Variants in TMEM131L observed in about 807,000 individuals in gnomAD.
TMEM131L encodes the protein transmembrane 131 like, also known as transmembrane protein 131-like.
Under a neutral mutation model 192.2 loss-of-function variants are expected in TMEM131L, and 54 were observed. The ratio of observed to expected loss-of-function variants is 0.28; its 90% CI spans 0.23 to 0.35. The LOEUF (loss-of-function observed/expected upper bound fraction) is 0.35. Among genes scored for constraint, TMEM131L ranks in the 10% least tolerant of loss-of-function variants. The probability of loss-of-function intolerance (pLI) is 1.00; values close to 1 mark genes in which losing one functional copy is unlikely to be tolerated. For synonymous variants in TMEM131L, 701 were observed against 704.9 expected, an observed-to-expected ratio of 0.99 and a Z score of 0.09; for missense variants, 1,888 against 1,972.9, an observed-to-expected ratio of 0.96 and a Z score of 0.82.
chr4:153,547,103 C>T (rs1737238594), intron 3 of TMEM131L, among the ~76,000 whole-genome samples: 1 of 152,110 alleles, frequency 6.6e-6, no homozygotes, highest in Non-Finnish European at 1.5e-5. Context: ...AAGCTGAAAT[C>T]AGCCAATGAG....
intron 7 of TMEM131L, among the ~76,000 whole-genome samples, chr4:153,579,469 A>T (rs977614867): frequency 1.3e-5 from 2 of 151,628 alleles, no homozygotes; most frequent in African/African-American, 4.8e-5. Flanking sequence ...ACAAACTTAA[A>T]CTCCTTAAAT....
At chr4:153,572,444 C>T (rs1025804797) in intron 7 of TMEM131L, among the ~76,000 whole-genome samples, 2 of 152,138 alleles carry the variant, frequency 1.3e-5, no homozygotes, top group African/African-American at 2.4e-5. Flanking sequence ...GATTCCCTTG[C>T]CTCAGCCTCC....
chr4:153,604,863 C>T (rs1732111364), intron 25 of TMEM131L, among the ~76,000 whole-genome samples: 1 of 152,130 alleles, frequency 6.6e-6, no homozygotes, highest in South Asian at 2.1e-4. Context: ...TGCCACCACA[C>T]CTGGCTAATT....
chr4:153,538,107 A>T (rs1374579221), intron 3 of TMEM131L, among the ~76,000 whole-genome samples: 1 of 152,202 alleles, frequency 6.6e-6, no homozygotes, highest in African/African-American at 2.4e-5. Flanking sequence ...AGCAATCTTC[A>T]AAGAGTAGGA....
At chr4:153,565,744 A>G (rs978227639) in intron 7 of TMEM131L, among the ~76,000 whole-genome samples, 5 of 152,262 alleles carry the variant, frequency 3.3e-5, no homozygotes, top group Non-Finnish European at 7.3e-5. Context: ...ATTTACGTAT[A>G]TTAACATAGT....
intron 3 of TMEM131L, among the ~76,000 whole-genome samples, chr4:153,486,596 C>T (rs1274634927): frequency 2.6e-5 from 4 of 152,212 alleles, no homozygotes; most frequent in Non-Finnish European, 5.9e-5. Context: ...CTCTGTGTGC[C>T]GTGCAGCTCC....
intron 13 of TMEM131L, among the ~76,000 whole-genome samples, 178 bp from the exon 14 acceptor site, chr4:153,586,031 C>A (rs6816168): frequency 6.6e-6 from 1 of 152,156 alleles, no homozygotes; most frequent in African/African-American, 2.4e-5. Flanking sequence ...ACAGTGTCAT[C>A]TTAAGCATTA....
intron 3 of TMEM131L, among the ~76,000 whole-genome samples, chr4:153,492,108 C>A (rs1424304052): frequency 6.6e-6 from 1 of 151,992 alleles, no homozygotes; most frequent in Admixed American, 6.6e-5. Context: ...CTCAAGCGAT[C>A]CCCCTGCCTC....
Position 153,470,536 on chromosome 4 carries a change from A to G in TMEM131L, c.195+3255A>G, listed in dbSNP as rs924139926. Among the ~76,000 whole-genome samples, 4 of 152,328 alleles carry G rather than the reference A, an allele frequency of 2.6e-5. No homozygotes were observed. In the South Asian group the frequency reaches 6.2e-4, roughly 24 times the overall value. On this transcript the variant is annotated intron_variant, in intron 2 of 34. Coordinates refer to ENST00000409959, the MANE Select transcript of TMEM131L (RefSeq NM_001131007.2). ...GTGATCATGAGAGGAAGGAGGAAAA[A>G]TATATATGATTTTATTCTTACATTT...
intron 3 of TMEM131L, among the ~76,000 whole-genome samples, chr4:153,515,039 C>T (rs556964663): frequency 1.3e-5 from 2 of 152,220 alleles, no homozygotes; most frequent in East Asian, 1.9e-4. Context: ...CTCGAACTCC[C>T]GACCTCAGGT....
intron 29 of TMEM131L, among the ~76,000 whole-genome samples, chr4:153,623,556 T>C (rs1477713684): frequency 2.0e-5 from 3 of 152,278 alleles, no homozygotes; most frequent in African/African-American, 7.2e-5. Context: ...TTTCTGTGTC[T>C]ATAAATCTGC....
chr4:153,572,163 C>A (rs1729632637), intron 7 of TMEM131L, among the ~76,000 whole-genome samples: 1 of 152,100 alleles, frequency 6.6e-6, no homozygotes, highest in Non-Finnish European at 1.5e-5. Context: ...ATTATCACCT[C>A]AGACATTTAT....
intron 3 of TMEM131L, among the ~76,000 whole-genome samples, chr4:153,483,191 G>A (rs904348993): frequency 4.6e-5 from 7 of 152,298 alleles, no homozygotes; most frequent in African/African-American, 1.7e-4. Context: ...CCAGAAATTC[G>A]TTGTTCCTTA....
intron 3 of TMEM131L, among the ~76,000 whole-genome samples, chr4:153,516,655 G>A (rs1305831682): frequency 6.6e-6 from 1 of 152,172 alleles, no homozygotes; most frequent in South Asian, 2.1e-4. Flanking sequence ...GGAATTGCTG[G>A]GTCAAAAAGT....
chr4:153,479,747 T>G (rs1376215401), intron 3 of TMEM131L, among the ~76,000 whole-genome samples: 1 of 152,212 alleles, frequency 6.6e-6, no homozygotes, highest in Non-Finnish European at 1.5e-5. Context: ...AGGTGGATCT[T>G]GGGAGCCAGA....
At chr4:153,542,829 G>A (rs1343830612) in intron 3 of TMEM131L, among the ~76,000 whole-genome samples, 1 of 152,196 alleles carries the variant, frequency 6.6e-6, no homozygotes, top group Admixed American at 6.5e-5. Flanking sequence ...GGCAGGACAG[G>A]GGGCTGTGAG....
At position 153,532,448 on chromosome 4, in the gene TMEM131L, A is replaced by T. The variant is rs530834599; in HGVS notation, c.240-17625A>T. ...ACTTGCTATTAGTGCTTTTTTTTTA[A>T]AAAAAAAAAAAGCTTTATTGAGATA... On this transcript the variant is annotated intron_variant, in intron 3 of 34. Coordinates refer to ENST00000409959, the MANE Select transcript of TMEM131L (RefSeq NM_001131007.2). Among the ~76,000 whole-genome samples the T allele has an allele frequency of 4.7e-3, 698 of 147,592 alleles. 8 individuals carry two copies. Among genetic ancestry groups the T allele is most frequent in the African/African-American group, 0.016 (636 of 39,796 alleles).
intron 3 of TMEM131L, among the ~76,000 whole-genome samples, chr4:153,481,818 G>A (rs573145345): frequency 1.3e-5 from 2 of 152,214 alleles, no homozygotes; most frequent in Admixed American, 6.5e-5. Context: ...GATTACAGGC[G>A]TGAGCCACTG....
chr4:153,597,885 A>C (rs1226188457), intron 20 of TMEM131L, among the ~76,000 whole-genome samples: 1 of 152,154 alleles, frequency 6.6e-6, no homozygotes, highest in Non-Finnish European at 1.5e-5. Flanking sequence ...GTGAGCCGTG[A>C]TCATGCCACT....
Sources: gnomAD v4.1 joint callset for allele counts (sites outside exome capture counted in the v4.1 genomes callset) on GRCh38, gnomAD v4.1.1 for gene constraint, MANE v1.5 for transcripts, NCBI Gene and HGNC (gene_info 2026-07-23, HGNC 2026-07-21) for gene names.